The following CSRNP3 variants were observed in gnomAD, a reference collection of about 807,000 sequenced individuals.
CSRNP3 encodes cysteine and serine rich nuclear protein 3, also known as cysteine/serine-rich nuclear protein 3.
In CSRNP3, 12 loss-of-function variants were observed where a neutral mutation model predicts 48.0. The ratio of observed to expected loss-of-function variants is 0.25; its 90% confidence interval spans 0.16 to 0.41. The LOEUF (loss-of-function observed/expected upper bound fraction) is 0.41, where lower values mean the gene tolerates loss of function less well. CSRNP3 is among the 10% of genes least tolerant of loss of function. The pLI, the probability that CSRNP3 is intolerant of heterozygous loss-of-function variation, is 1.00. For missense variants in CSRNP3, 580 were observed against 724.4 expected, an observed-to-expected ratio of 0.80 and a Z score of 2.29; for synonymous variants, 263 against 269.7, an observed-to-expected ratio of 0.98 and a Z score of 0.24.
intron 2 of CSRNP3, among the ~76,000 whole-genome samples, chr2:165,515,804 T>C (rs1191232671): frequency 2.6e-4 from 10 of 38,844 alleles, no homozygotes; most frequent in African/African-American, 1.1e-4. Context: ...TTCCTTTCTT[T>C]TTTTTTTTTT....
At position 165,563,478 on chromosome 2, in the gene CSRNP3, GTC is replaced by G. The variant is rs915827590; in HGVS notation, c.-23-31561_-23-31560del. Among the ~76,000 whole-genome samples, 139 of 152,270 alleles carry G rather than the reference GTC, an allele frequency of 9.1e-4. 1 individual carries two copies. Among genetic ancestry groups the G allele is most frequent in the African/African-American group, 2.8e-3 (117 of 41,552 alleles). On this transcript the variant is annotated intron_variant, in intron 3 of 6. Transcript: ENST00000651982. ...TATCCCACCATGTGGCTGCACTGGA[GTC>G]TCTGTGAATTTGCTGTGATTCTGGG...
intron 4 of CSRNP3, among the ~76,000 whole-genome samples, chr2:165,608,635 A>C (rs1413433059): frequency 6.6e-6 from 1 of 152,200 alleles, no homozygotes; most frequent in African/African-American, 2.4e-5. Context: ...GCATATAAAC[A>C]GTATATTTTA....
intron 1 of CSRNP3, among the ~76,000 whole-genome samples, chr2:165,493,223 A>C (rs1425882789): frequency 6.6e-6 from 1 of 151,824 alleles, no homozygotes; most frequent in Non-Finnish European, 1.5e-5. Flanking sequence ...AAAAAAAGTC[A>C]CTTCAGTTAG....
chr2:165,655,720 A>G (rs1415439945), intron 4 of CSRNP3, among the ~76,000 whole-genome samples: 6 of 152,166 alleles, frequency 3.9e-5, no homozygotes, highest in African/African-American at 1.4e-4. Flanking sequence ...TTCCTTGCAC[A>G]TTTCAGTTTC....
chr2:165,539,088 G>A (rs2292610), intron 3 of CSRNP3, among the ~76,000 whole-genome samples: 34,751 of 151,664 alleles, frequency 0.23, 4,122 homozygotes, highest in East Asian at 0.29. Flanking sequence ...AAGTCTTATC[G>A]TTTTCTTTAA....
chr2:165,493,157 G>A (rs1018476546), intron 1 of CSRNP3, among the ~76,000 whole-genome samples: 2 of 151,688 alleles, frequency 1.3e-5, no homozygotes, highest in African/African-American at 4.8e-5. Context: ...TGAGCATGAT[G>A]TCCATGAGTG....
At chr2:165,538,292 G>A (rs1484348020) in intron 3 of CSRNP3, among the ~76,000 whole-genome samples, 1 of 151,896 alleles carries the variant, frequency 6.6e-6, no homozygotes. Context: ...ATACCACCCT[G>A]TCTCTAATTG....
intron 3 of CSRNP3, among the ~76,000 whole-genome samples, chr2:165,525,666 A>G (rs1301572463): frequency 6.6e-6 from 1 of 151,620 alleles, no homozygotes. Flanking sequence ...TTGTATTTTT[A>G]GTAGAGACGG....
chr2:165,638,928 G>A (rs1201675883), intron 4 of CSRNP3, among the ~76,000 whole-genome samples: 1 of 152,142 alleles, frequency 6.6e-6, no homozygotes, highest in Admixed American at 6.5e-5. Flanking sequence ...GTTGCTCCTG[G>A]GGGAAATACA....
intron 5 of CSRNP3, among the ~76,000 whole-genome samples, chr2:165,664,568 G>T (rs929999755): frequency 6.6e-6 from 1 of 152,148 alleles, no homozygotes; most frequent in African/African-American, 2.4e-5. Context: ...ATATGTTTCT[G>T]TTCTGCAGGA....
In CSRNP3 at chr2:165,473,221, G is replaced by A. The variant is rs529516091; in HGVS notation, c.-283+3481G>A. Among the ~76,000 whole-genome samples the A allele has an allele frequency of 9.9e-5, 15 of 152,192 alleles. No individual in the cohort carries two copies. In the South Asian group the frequency reaches 3.1e-3, roughly 32 times the overall value. On this transcript the variant is annotated intron_variant, in intron 1 of 6. Transcript: ENST00000651982. ...CTTCATGCTTCTTTCTTTGCTAAAC[G>A]TAGCTTGCCAGAATTGTGGGTGGGT...
intron 3 of CSRNP3, among the ~76,000 whole-genome samples, chr2:165,581,366 G>A (rs1018796352): frequency 3.9e-5 from 6 of 152,130 alleles, no homozygotes; most frequent in African/African-American, 1.2e-4. Flanking sequence ...CCCTCTCTTT[G>A]TCAGCAGGAC....
intron 4 of CSRNP3, among the ~76,000 whole-genome samples, chr2:165,603,715 C>G (rs1168983330): frequency 1.3e-5 from 2 of 152,180 alleles, no homozygotes; most frequent in Admixed American, 6.5e-5. Flanking sequence ...ATTCAAAACA[C>G]TTGAAAACTT....
intron 4 of CSRNP3, among the ~76,000 whole-genome samples, chr2:165,620,464 C>T (rs1197086076): frequency 6.6e-6 from 1 of 151,970 alleles, no homozygotes; most frequent in Non-Finnish European, 1.5e-5. Context: ...GAACCTCAGT[C>T]TTGAAAATAT....
chr2:165,676,757 A>G, intron 6 of CSRNP3, 149 bp downstream of exon 6: 1 of 629,576 alleles, frequency 1.6e-6, no homozygotes, highest in Non-Finnish European at 2.8e-6. Context: ...GAAAGACATA[A>G]TTCAGGAAGA....
chr2:165,579,201 C>T (rs1299997954), intron 3 of CSRNP3, among the ~76,000 whole-genome samples: 1 of 152,012 alleles, frequency 6.6e-6, no homozygotes, highest in Non-Finnish European at 1.5e-5. Flanking sequence ...AGAAACCTGC[C>T]AGGATTTTAT....
chr2:165,571,953 G>T (rs1383580310), intron 3 of CSRNP3, among the ~76,000 whole-genome samples: 4 of 152,052 alleles, frequency 2.6e-5, no homozygotes, highest in African/African-American at 4.8e-5. Context: ...AGAAATGCCA[G>T]CAATCTAATG....
intron 4 of CSRNP3, among the ~76,000 whole-genome samples, chr2:165,632,313 G>A: frequency 6.6e-6 from 1 of 152,230 alleles, no homozygotes; most frequent in Admixed American, 6.5e-5. Context: ...CTTGAGGCCA[G>A]GAGTTCAAGA....
intron 4 of CSRNP3, among the ~76,000 whole-genome samples, chr2:165,619,095 A>G (rs1686296970): frequency 6.6e-6 from 1 of 152,174 alleles, no homozygotes; most frequent in Admixed American, 6.5e-5. Context: ...TGAGGGTCCC[A>G]GTGTTGTGGG....
Sources: gnomAD v4.1 joint callset for allele counts (sites outside exome capture counted in the v4.1 genomes callset) on GRCh38, gnomAD v4.1.1 for gene constraint, MANE v1.5 for transcripts, NCBI Gene and HGNC (gene_info 2026-07-23, HGNC 2026-07-21) for gene names.